Variants in RIMS2 observed in about 807,000 individuals in gnomAD.
RIMS2 encodes the protein regulating synaptic membrane exocytosis 2, also known as regulating synaptic membrane exocytosis protein 2.
RIMS2 carries 59 observed loss-of-function variants against 174.4 expected under a neutral mutation model. That is an observed-to-expected ratio of 0.34 (90% CI 0.27 to 0.42). The LOEUF is 0.42. Among genes scored for constraint, RIMS2 ranks in the 10% least tolerant of loss-of-function variants. The pLI is 1.00. For synonymous variants in RIMS2, 606 were observed against 572.5 expected (o/e 1.06, Z -0.84); for missense variants, 1,620 against 1,666.3 (o/e 0.97, Z 0.48).
At chr8:103,616,415 A>T (rs1371404964) in intron 1 of RIMS2, among the ~76,000 whole-genome samples, 1 of 152,262 alleles carries the variant, frequency 6.6e-6, no homozygotes, top group Non-Finnish European at 1.5e-5. Flanking sequence ...CCAACATTAT[A>T]TTGAATGGAC....
chr8:103,551,356 T>G (rs1052671771), intron 1 of RIMS2, among the ~76,000 whole-genome samples: 2 of 152,172 alleles, frequency 1.3e-5, no homozygotes, highest in Admixed American at 1.3e-4. Context: ...AACCACATGA[T>G]TATTTCAATA....
chr8:103,927,622 C>A (rs1031959414), intron 10 of RIMS2, among the ~76,000 whole-genome samples: 3 of 151,440 alleles, frequency 2.0e-5, no homozygotes, highest in Non-Finnish European at 4.4e-5. Flanking sequence ...TTGGATTATA[C>A]AAATTCTAAT....
chr8:104,211,909 G>A (rs1490947975), intron 19 of RIMS2, among the ~76,000 whole-genome samples: 1 of 152,160 alleles, frequency 6.6e-6, no homozygotes, highest in African/African-American at 2.4e-5. Context: ...GAAATGGATA[G>A]TAATGAGATC....
At chr8:103,855,352 A>G (rs74881018) in intron 3 of RIMS2, among the ~76,000 whole-genome samples, 4,726 of 151,936 alleles carry the variant, frequency 0.031, 220 homozygotes, top group African/African-American at 0.11. Flanking sequence ...CAATTTCATT[A>G]GAGTCTTCTC....
At chr8:103,912,284 C>T (rs970876101) in intron 6 of RIMS2, 112 bp downstream of exon 9, 8 of 702,534 alleles carry the variant, frequency 1.1e-5, no homozygotes, top group Non-Finnish European at 1.8e-5. Flanking sequence ...TTTCCATTTT[C>T]AATAGTTTGT....
At chr8:104,125,065 G>T (rs2098417510) in intron 19 of RIMS2, among the ~76,000 whole-genome samples, 1 of 152,066 alleles carries the variant, frequency 6.6e-6, no homozygotes, top group Non-Finnish European at 1.5e-5. Flanking sequence ...AGAATCAGCG[G>T]TAGAGGAAAG....
At chr8:103,697,062 T>C (rs769373607) in intron 1 of RIMS2, 24 bp from the exon 4 acceptor site, 3 of 1,573,296 alleles carry the variant, frequency 1.9e-6, no homozygotes, top group Non-Finnish European at 2.6e-6. Context: ...AACCAACTTT[T>C]TTTCTTATCT....
intron 3 of RIMS2, among the ~76,000 whole-genome samples, chr8:103,801,231 C>CCCGCCT (rs2098605733): frequency 1.3e-5 from 2 of 152,188 alleles, no homozygotes; most frequent in Non-Finnish European, 2.9e-5. Context: ...AGGCAATCCT[C>CCCGCCT]CCGCCTCCGC....
intron 1 of RIMS2, among the ~76,000 whole-genome samples, chr8:103,572,570 T>G (rs565639507): frequency 1.3e-4 from 20 of 152,142 alleles, no homozygotes; most frequent in South Asian, 2.1e-4. Context: ...CTGTTTGTTT[T>G]TTTTTTCACT....
In RIMS2 at chr8:104,008,891, C is replaced by A. The variant is rs138024976; in HGVS notation, c.3045-4551C>A. On this transcript the variant is annotated intron_variant, in intron 17 of 23. Coordinates refer to ENST00000504942, the Ensembl canonical transcript of RIMS2. ...ATTCTGTAGAATAATGCTATTACAC[C>A]CAAGGATAAATTAATCTTCCTCCAA... Among the ~76,000 whole-genome samples the A allele has an allele frequency of 1.8e-4, 27 of 151,768 alleles. No homozygotes were observed. The Middle Eastern group carries it at 0.01, about 58-fold the overall frequency.
intron 1 of RIMS2, among the ~76,000 whole-genome samples, chr8:103,545,750 T>C (rs960515787): frequency 6.6e-6 from 1 of 152,086 alleles, no homozygotes; most frequent in Non-Finnish European, 1.5e-5. Context: ...GAAATTCCAA[T>C]AAAAAATTTC....
intron 19 of RIMS2, among the ~76,000 whole-genome samples, chr8:104,236,015 A>T (rs1458313307): frequency 1.3e-5 from 2 of 151,250 alleles, no homozygotes; most frequent in Admixed American, 1.3e-4. Flanking sequence ...CATGACATTG[A>T]CTTTTGAAGA....
intron 19 of RIMS2, among the ~76,000 whole-genome samples, chr8:104,104,210 A>T (rs765114246): frequency 6.6e-6 from 1 of 152,204 alleles, no homozygotes; most frequent in Non-Finnish European, 1.5e-5. Flanking sequence ...GGGTTTGAAG[A>T]TTTGGAATAA....
chr8:104,246,342 AT>A (rs879292823), intron 20 of RIMS2, among the ~76,000 whole-genome samples: 3 of 150,940 alleles, frequency 2.0e-5, no homozygotes, highest in Non-Finnish European at 3.0e-5. Context: ...TTTCCTTTTT[AT>A]TTTTTTTGTT....
At chr8:104,249,672 GATTTAGTTAATCAAGATT>G (rs2140255525) in intron 22 of RIMS2, 84 bp downstream of exon 28, 13 of 758,668 alleles carry the variant, frequency 1.7e-5, no homozygotes, top group Middle Eastern at 2.3e-4. Flanking sequence ...TTAGACCTTT[GATTTAGTTAATCAAGATT>G]ACTAATGGAT....
intron 1 of RIMS2, among the ~76,000 whole-genome samples, chr8:103,581,853 A>G (rs910631659): frequency 6.6e-6 from 1 of 152,210 alleles, no homozygotes; most frequent in Admixed American, 6.5e-5. Context: ...AGTGTAGGCC[A>G]TAAGGACTGC....
chr8:103,737,168 CTTTGTTCTTTTTTTTTT>C lies in RIMS2; in HGVS notation c.388-29055_388-29039del, dbSNP rs1357378558. Among the ~76,000 whole-genome samples the C allele has an allele frequency of 9.9e-3, 1,127 of 113,856 alleles. 55 individuals carry two copies. The highest frequency in any genetic ancestry group is 0.091 in the Admixed American group (1,030 of 11,352). 74.7% of individuals were successfully genotyped at this position (113,856 alleles called of 152,430 possible). A position where few individuals can be genotyped will look rare whatever the true frequency, so the allele number is the denominator to read the frequency against. On this transcript the variant is annotated intron_variant, in intron 2 of 23. Coordinates refer to ENST00000504942, the Ensembl canonical transcript of RIMS2. ...TAATTTTTCCTTTTCTTTTCTTTTT[CTTTGTTCTTTTTTTTTT>C]TTTTTTTTTTTTTTTTGAGACAGAG...
At chr8:103,888,198 G>A (rs1232175021) in intron 4 of RIMS2, among the ~76,000 whole-genome samples, 2 of 151,490 alleles carry the variant, frequency 1.3e-5, no homozygotes, top group Non-Finnish European at 3.0e-5. Flanking sequence ...AACAATCCAA[G>A]TGGGGAGAGA....
At chr8:103,885,364 A>C (rs535730678) in exon 4 of RIMS2, 1 of 1,612,304 alleles carries the variant, frequency 6.2e-7, no homozygotes, top group Admixed American at 1.7e-5. Context: ...AAAGAGAGGA[A>C]TATTCACAGT....
Sources: gnomAD v4.1 joint callset for allele counts (sites outside exome capture counted in the v4.1 genomes callset) on GRCh38, gnomAD v4.1.1 for gene constraint, MANE v1.5 for transcripts, NCBI Gene and HGNC (gene_info 2026-07-23, HGNC 2026-07-21) for gene names.